The following BANF2 variants were observed in gnomAD, a reference collection of about 807,000 sequenced individuals.
BANF2 encodes the protein BANF family member 2, also known as barrier-to-autointegration factor-like protein.
In BANF2, 4 loss-of-function variants were observed where a neutral mutation model predicts 8.0. That is an observed-to-expected ratio of 0.50 (90% CI 0.25 to 1.14). The LOEUF (loss-of-function observed/expected upper bound fraction) is 1.14. Ranked by LOEUF, BANF2 falls within the 50% of genes most tolerant of loss-of-function variation. BANF2 has a pLI of 0.16. For synonymous variants in BANF2, 50 were observed against 40.6 expected (o/e 1.23, Z -0.88); for missense variants, 96 against 107.5 (o/e 0.89, Z 0.47).
intron 1 of BANF2, among the ~76,000 whole-genome samples, chr20:17,715,969 C>A (rs553569019): frequency 9.9e-5 from 15 of 152,242 alleles, no homozygotes; most frequent in Admixed American, 1.3e-4. Flanking sequence ...ACCCTGGCTT[C>A]TTTCTCAGGT....
At chr20:17,724,372 C>T (rs540970149) in intron 2 of BANF2, among the ~76,000 whole-genome samples, 1 of 152,330 alleles carries the variant, frequency 6.6e-6, no homozygotes, top group Non-Finnish European at 1.5e-5. Context: ...AAGCCACCTT[C>T]TCTTCCTTCT....
intron 1 of BANF2, among the ~76,000 whole-genome samples, chr20:17,707,893 T>A (rs898339031): frequency 5.3e-5 from 8 of 151,798 alleles, no homozygotes; most frequent in Non-Finnish European, 1.0e-4. Flanking sequence ...GCCAAGATTG[T>A]TTTTTAAGAA....
chr20:17,714,787 G>C (rs2037627475), intron 1 of BANF2, among the ~76,000 whole-genome samples: 1 of 152,164 alleles, frequency 6.6e-6, no homozygotes, highest in African/African-American at 2.4e-5. Context: ...CTGTGGTGGA[G>C]TGTATAAATA....
intron 3 of BANF2, among the ~76,000 whole-genome samples, chr20:17,727,931 C>G (rs569716797): frequency 6.6e-6 from 1 of 152,142 alleles, no homozygotes; most frequent in South Asian, 2.1e-4. Flanking sequence ...TGTAGAGACA[C>G]AGTTTTGCCA....
At chr20:17,713,260 TGAGA>T (rs144968177) in intron 1 of BANF2, among the ~76,000 whole-genome samples, 57 of 144,940 alleles carry the variant, frequency 3.9e-4, no homozygotes, top group African/African-American at 1.3e-3. Context: ...AAAGAAAGAA[TGAGA>T]GAGAGAGAGA....
chr20:17,727,332 C>G (rs887652909), intron 3 of BANF2, among the ~76,000 whole-genome samples: 3 of 152,086 alleles, frequency 2.0e-5, no homozygotes, highest in Non-Finnish European at 2.9e-5. Context: ...CCGCCCACAC[C>G]CGTGATTGAG....
intron 3 of BANF2, among the ~76,000 whole-genome samples, chr20:17,730,402 G>A (rs1486700436): frequency 2.6e-5 from 4 of 152,086 alleles, no homozygotes; most frequent in Non-Finnish European, 5.9e-5. Context: ...CTTCTCGCGC[G>A]GCTTCTCTTA....
At chr20:17,721,269 G>A (rs940793118) in intron 1 of BANF2, among the ~76,000 whole-genome samples, 2 of 152,162 alleles carry the variant, frequency 1.3e-5, no homozygotes, top group Non-Finnish European at 2.9e-5. Flanking sequence ...GCCTGGTTCT[G>A]GCCAATGAAA....
intron 1 of BANF2, among the ~76,000 whole-genome samples, chr20:17,713,088 G>A (rs970677828): frequency 2.1e-4 from 32 of 151,608 alleles, no homozygotes; most frequent in African/African-American, 6.3e-4. Flanking sequence ...CGATCTCTAC[G>A]AAAAAATTAA....
intron 3 of BANF2, among the ~76,000 whole-genome samples, chr20:17,726,406 C>G (rs182947895): frequency 6.6e-6 from 1 of 152,030 alleles, no homozygotes; most frequent in African/African-American, 2.4e-5. Flanking sequence ...AGGATGGTCT[C>G]GAACTCCTGG....
At chr20:17,715,086 C>T (rs923283805) in intron 1 of BANF2, among the ~76,000 whole-genome samples, 3 of 152,182 alleles carry the variant, frequency 2.0e-5, no homozygotes, top group East Asian at 1.9e-4. Flanking sequence ...GGCCCAATGT[C>T]GCTCTGCTGG....
intron 1 of BANF2, chr20:17,693,742 G>A: frequency 6.4e-7 from 1 of 1,550,580 alleles, no homozygotes; most frequent in Non-Finnish European, 8.7e-7. Flanking sequence ...TGCTCACGGT[G>A]GGGAAGAGAC....
At chr20:17,707,349 C>CTCTG (rs1252783779) in intron 1 of BANF2, among the ~76,000 whole-genome samples, 1 of 144,018 alleles carries the variant, frequency 6.9e-6, no homozygotes, top group Non-Finnish European at 1.5e-5. Flanking sequence ...CACCACTGCA[C>CTCTG]TCTGGCCTGG....
At chr20:17,705,154 C>T (rs550643360) in intron 1 of BANF2, among the ~76,000 whole-genome samples, 199 of 148,286 alleles carry the variant, frequency 1.3e-3, no homozygotes, top group Non-Finnish European at 2.3e-3. Flanking sequence ...ACCTCATTGG[C>T]GAGGCCTGGT....
chr20:17,729,411 T>C (rs1051216289), intron 3 of BANF2, among the ~76,000 whole-genome samples: 4 of 152,178 alleles, frequency 2.6e-5, no homozygotes, highest in Admixed American at 6.5e-5. Flanking sequence ...TTTGGGTTTT[T>C]GGTGGGTGCC....
At chr20:17,695,119 CA>C (rs1169429160), upstream of BANF2, among the ~76,000 whole-genome samples, 1 of 152,000 alleles carries the variant, frequency 6.6e-6, no homozygotes, top group African/African-American at 2.4e-5. Flanking sequence ...TTGCCTTTAG[CA>C]GCTTGAAATT....
intron 3 of BANF2, among the ~76,000 whole-genome samples, chr20:17,727,427 C>A (rs1600227413): frequency 6.6e-6 from 1 of 152,216 alleles, no homozygotes; most frequent in African/African-American, 2.4e-5. Context: ...TGAACTGGAG[C>A]AGCCGTGGAT....
chr20:17,712,655 T>C (rs2122596329), intron 1 of BANF2: 9 of 599,870 alleles, frequency 1.5e-5, no homozygotes, highest in Non-Finnish European at 1.9e-5. Flanking sequence ...CTAGAATCCA[T>C]GGGGCAGAGA....
upstream of BANF2, among the ~76,000 whole-genome samples, chr20:17,698,026 G>A (rs545085988): frequency 1.6e-4 from 24 of 152,154 alleles, no homozygotes; most frequent in African/African-American, 5.3e-4. Context: ...CCAAAAAAGT[G>A]AAACCCCATC....
Sources: gnomAD v4.1 joint callset for allele counts (sites outside exome capture counted in the v4.1 genomes callset) on GRCh38, gnomAD v4.1.1 for gene constraint, MANE v1.5 for transcripts, NCBI Gene and HGNC (gene_info 2026-07-23, HGNC 2026-07-21) for gene names.